Variants in ALDH1L2 observed in about 807,000 individuals in gnomAD.
ALDH1L2 encodes the protein aldehyde dehydrogenase 1 family member L2, also known as mitochondrial 10-formyltetrahydrofolate dehydrogenase.
A neutral mutation model predicts 111.0 loss-of-function variants in ALDH1L2; 91 were observed. The observed-to-expected ratio is 0.82, with a 90% confidence interval of 0.69 to 0.98. The LOEUF (loss-of-function observed/expected upper bound fraction) is 0.98, where lower values mean the gene tolerates loss of function less well. Ranked by LOEUF, ALDH1L2 falls within the 50% of genes least tolerant of loss-of-function variation. ALDH1L2 has a pLI of 0.00. For synonymous variants in ALDH1L2, 374 were observed against 392.6 expected, an observed-to-expected ratio of 0.95 and a Z score of 0.56; for missense variants, 995 against 1,126.8, an observed-to-expected ratio of 0.88 and a Z score of 1.67.
chr12:105,030,160 A>G (rs1039305285), intron 21 of ALDH1L2, 164 bp downstream of exon 21: 1 of 460,628 alleles, frequency 2.2e-6, no homozygotes, highest in African/African-American at 2.0e-5. Context: ...ACTATGATCT[A>G]CGATGGTTAG....
chr12:105,070,548 AAG>A lies in ALDH1L2; in HGVS notation c.428+20_428+21del, dbSNP rs1877619873. The A allele has an allele frequency of 1.9e-6, 3 of 1,579,272 alleles. No individual in the cohort carries two copies. The highest frequency in any genetic ancestry group is 2.6e-6 in the Non-Finnish European group (3 of 1,159,420). On this transcript the variant is annotated intron_variant, in intron 3 of 22. Transcript: ENST00000258494. ...AGCAAGACCCCATCTCAAAAAAAAA[AAG>A]TAAAAAGAAAAAATCTCACCAATTG...
chr12:105,056,371 AT>A (rs1295425837), intron 10 of ALDH1L2, among the ~76,000 whole-genome samples: 1 of 152,178 alleles, frequency 6.6e-6, no homozygotes, highest in Non-Finnish European at 1.5e-5. Context: ...CAGAAAATTG[AT>A]TGCTAGCATA....
intron 20 of ALDH1L2, 67 bp downstream of exon 20, chr12:105,031,702 A>T (rs1938596543): frequency 8.3e-6 from 13 of 1,561,486 alleles, no homozygotes; most frequent in Non-Finnish European, 1.7e-6. Flanking sequence ...GCTGGTCTTA[A>T]ACTGTCGCTG....
At chr12:105,057,004 A>G (rs1876669760) in intron 10 of ALDH1L2, among the ~76,000 whole-genome samples, 1 of 151,504 alleles carries the variant, frequency 6.6e-6, no homozygotes, top group South Asian at 2.1e-4. Flanking sequence ...ATATTTGCAA[A>G]TCTTACATCT....
At chr12:105,030,134 TGAAAAGCAAAA>T in intron 21 of ALDH1L2, 179 bp downstream of exon 21, 1 of 401,874 alleles carries the variant, frequency 2.5e-6, no homozygotes, top group Non-Finnish European at 4.2e-6. Flanking sequence ...TAATTGAAGC[TGAAAAGCAAAA>T]ATATACTATG....
intron 13 of ALDH1L2, 60 bp downstream of exon 13, chr12:105,049,847 TG>T: frequency 6.5e-7 from 1 of 1,528,770 alleles, no homozygotes. Flanking sequence ...ACACAGTGCC[TG>T]GTACAAACTA....
At position 105,060,935 on chromosome 12, in the gene ALDH1L2, C is replaced by T. The variant is rs373000453; in HGVS notation, c.1139+46G>A. ...TCACTGTCAAAGCCAAAGTCAAAAT[C>T]TCTAGTGAGGGAATCCCTAGTGAGT... On this transcript the variant is annotated intron_variant, in intron 9 of 22. Transcript: ENST00000258494. 15 of 1,515,780 alleles carry T rather than the reference C, an allele frequency of 9.9e-6. No individual in the cohort carries two copies. In the African/African-American group the frequency reaches 1.5e-4, roughly 15 times the overall value. The allele number at this position is 1,515,780 out of a possible 1,614,324, so 93.9% of individuals were successfully genotyped here.
chr12:105,084,426 C>T lies in ALDH1L2; in HGVS notation c.11G>A (p.Arg4Gln). The change falls in exon 1 of 23, where the codon CGG (arginine) becomes CAG (glutamine). Residue 4 changes from arginine to glutamine, a missense_variant. By Grantham distance (43) the Arg-to-Gln change is conservative. Transcript: ENST00000258494. MLR[R>Q]GSQALRRFST... is the part of the protein sequence containing the mutation. The stretch of plus-strand genomic sequence containing the variant: ...GAAGCGCCGGAGCGCCTGGCTGCCC[C>T]GCCGCAGCATGCTGGAGAGGAGCGC... The T allele has an allele frequency of 6.7e-7, 1 of 1,496,150 alleles. No homozygotes were observed. The highest frequency in any genetic ancestry group is 8.8e-7 in the Non-Finnish European group (1 of 1,130,360). 92.7% of individuals were successfully genotyped at this position (1,496,150 alleles called of 1,614,324 possible). A position where few individuals can be genotyped will look rare whatever the true frequency, so the allele number is the denominator to read the frequency against.
At chr12:105,063,737 C>T (rs1319176882) in intron 6 of ALDH1L2, among the ~76,000 whole-genome samples, 1 of 152,028 alleles carries the variant, frequency 6.6e-6, no homozygotes, top group Non-Finnish European at 1.5e-5. Flanking sequence ...TATTACAGTG[C>T]AGGGTGGTAA....
At chr12:105,056,081 C>G (rs1229189753) in intron 10 of ALDH1L2, among the ~76,000 whole-genome samples, 4 of 151,978 alleles carry the variant, frequency 2.6e-5, no homozygotes, top group Non-Finnish European at 5.9e-5. Flanking sequence ...TCAACAAATT[C>G]TAATGGGAAA....
intron 18 of ALDH1L2, among the ~76,000 whole-genome samples, chr12:105,035,441 G>A (rs184158067): frequency 1.3e-5 from 2 of 151,926 alleles, no homozygotes; most frequent in Admixed American, 1.3e-4. Flanking sequence ...CTCCATCTCA[G>A]TCTCCCTAGT....
chr12:105,063,068 G>A (rs1223246990), intron 6 of ALDH1L2, 46 bp from the exon 7 acceptor site: 1 of 1,588,844 alleles, frequency 6.3e-7, no homozygotes. Flanking sequence ...GAGAAAAGCT[G>A]TTCATAGCGG....
intron 10 of ALDH1L2, among the ~76,000 whole-genome samples, chr12:105,057,320 AT>A (rs1876693098): frequency 6.6e-6 from 1 of 152,150 alleles, no homozygotes; most frequent in Admixed American, 6.6e-5. Flanking sequence ...GGATTACATA[AT>A]GGTGTAGCCA....
chr12:105,040,729 G>T (rs774984357), intron 15 of ALDH1L2, 35 bp from the exon 16 acceptor site: 1 of 1,587,746 alleles, frequency 6.3e-7, no homozygotes, highest in Non-Finnish European at 8.6e-7. Flanking sequence ...CCTTCTTCAG[G>T]CCCTAACCTG....
intron 1 of ALDH1L2, among the ~76,000 whole-genome samples, chr12:105,081,307 T>A (rs996111313): frequency 2.6e-5 from 4 of 152,218 alleles, no homozygotes; most frequent in Admixed American, 6.5e-5. Context: ...TTAAATACAG[T>A]TTAAAGCTGA....
chr12:105,062,405 C>G (rs1565966266), intron 7 of ALDH1L2, among the ~76,000 whole-genome samples: 1 of 152,174 alleles, frequency 6.6e-6, no homozygotes, highest in Non-Finnish European at 1.5e-5. Flanking sequence ...ATTCCCTTTG[C>G]ACGCTTCATT....
At chr12:105,065,605 C>T (rs1178925368) in intron 5 of ALDH1L2, among the ~76,000 whole-genome samples, 4 of 152,026 alleles carry the variant, frequency 2.6e-5, no homozygotes, top group South Asian at 2.1e-4. Flanking sequence ...TGAAGTAGAG[C>T]GGGCTGTTGA....
At position 105,020,609 on chromosome 12, in the gene ALDH1L2, A is replaced by G. The variant is rs1874113548; in HGVS notation, c.*3815T>C. 1 of 152,260 alleles carries G rather than the reference A, an allele frequency of 6.6e-6. No homozygotes were observed. The highest frequency in any genetic ancestry group is 2.4e-5 in the African/African-American group (1 of 41,466). The allele number at this position is 152,260 out of a possible 1,614,324, so 9.4% of individuals were successfully genotyped here. On this transcript the variant is annotated 3_prime_UTR_variant, in exon 23 of 23. Transcript: ENST00000258494. ...ACAACAGGTAGTGATAAGTGCTATG[A>G]AAATAATGCACTTATAAAAAGAATA...
chr12:105,063,649 C>T (rs138788998), intron 6 of ALDH1L2, among the ~76,000 whole-genome samples: 168 of 125,778 alleles, frequency 1.3e-3, no homozygotes, highest in African/African-American at 5.0e-3. Flanking sequence ...CCTTTATAGC[C>T]TGAAGGTAGG....
Sources: gnomAD v4.1 joint callset for allele counts (sites outside exome capture counted in the v4.1 genomes callset) on GRCh38, gnomAD v4.1.1 for gene constraint, MANE v1.5 for transcripts, NCBI Gene and HGNC (gene_info 2026-07-23, HGNC 2026-07-21) for gene names.